SORCS2: variants seen among roughly 807,000 people sequenced by gnomAD.
SORCS2 encodes the protein VPS10 domain-containing receptor SorCS2.
SORCS2 carries 100 observed loss-of-function variants against 141.6 expected under a neutral mutation model. The observed-to-expected ratio is 0.71, with a 90% CI of 0.60 to 0.83. SORCS2 has a LOEUF of 0.83. Ranked by LOEUF, SORCS2 falls within the 40% of genes least tolerant of loss-of-function variation. SORCS2 has a pLI of 0.00. For missense variants in SORCS2, 1,646 were observed against 1,560.2 expected, an observed-to-expected ratio of 1.05 and a Z score of -0.93; for synonymous variants, 789 against 676.9, an observed-to-expected ratio of 1.17 and a Z score of -2.57.
At chr4:7,390,354 G>C (rs537109900) in intron 1 of SORCS2, among the ~76,000 whole-genome samples, 1 of 152,346 alleles carries the variant, frequency 6.6e-6, no homozygotes, top group East Asian at 1.9e-4. Flanking sequence ...CCCACTGGCT[G>C]TGTGGAAGAC....
chr4:7,329,915 C>T (rs1719537304), intron 1 of SORCS2, among the ~76,000 whole-genome samples: 1 of 152,106 alleles, frequency 6.6e-6, no homozygotes, highest in African/African-American at 2.4e-5. Flanking sequence ...GTGGCCCCAT[C>T]TTGGGTCGAG....
chr4:7,621,027 G>A (rs973867421), intron 3 of SORCS2, among the ~76,000 whole-genome samples: 3 of 152,116 alleles, frequency 2.0e-5, no homozygotes, highest in South Asian at 2.1e-4. Context: ...GGGGGTTGCC[G>A]GCCATGAGGT....
chr4:7,701,905 C>G (rs1725112694), intron 12 of SORCS2, among the ~76,000 whole-genome samples: 1 of 152,196 alleles, frequency 6.6e-6, no homozygotes, highest in Non-Finnish European at 1.5e-5. Context: ...CCCAGCCCAG[C>G]CCCCTGGGCA....
At position 7,192,989 on chromosome 4, in the gene SORCS2, C is replaced by T. The variant is rs1417718872; in HGVS notation, c.343C>T (p.Arg115Trp). 11 of 1,427,456 alleles carry T rather than the reference C, an allele frequency of 7.7e-6. No homozygotes were observed. Among genetic ancestry groups the T allele is most frequent in the African/African-American group, 6.0e-5 (4 of 66,806 alleles). 88.4% of individuals were successfully genotyped at this position (1,427,456 alleles called of 1,614,324 possible). A position where few individuals can be genotyped will look rare whatever the true frequency, so the allele number is the denominator to read the frequency against. ...GGACGGCGCCCCCGCCGCGGGCTAC[C>T]GGCGCTGGGAGCGGGCGGCGCCGCT... ...GEDGAPAAGY[R>W]RWERAAPLAG... The change falls in exon 1 of 27, where the codon CGG becomes TGG. Residue 115 changes from arginine (R) to tryptophan (W), a missense_variant. By Grantham distance (101) the Arg-to-Trp change is moderately radical. Transcript: ENST00000507866. This position sits in a 1 kb window ranked among gnomAD's most constrained non-coding sequence, Gnocchi z 4.0.
chr4:7,359,580 C>T (rs1440839807), intron 1 of SORCS2, among the ~76,000 whole-genome samples: 2 of 152,234 alleles, frequency 1.3e-5, no homozygotes, highest in African/African-American at 4.8e-5. Context: ...CATCCAGAGG[C>T]CCCGTGGAGG....
intron 2 of SORCS2, among the ~76,000 whole-genome samples, chr4:7,463,120 A>C (rs554859498): frequency 7.9e-5 from 12 of 152,160 alleles, no homozygotes; most frequent in Admixed American, 1.3e-4. Context: ...CACTGTCTAG[A>C]GCCTAGGGAT....
At chr4:7,706,064 G>GGATGAGGCTGGTCTCTGCCTGGACAGA (rs1725419649) in intron 14 of SORCS2, among the ~76,000 whole-genome samples, 1 of 143,660 alleles carries the variant, frequency 7.0e-6, no homozygotes, top group African/African-American at 2.5e-5. Context: ...GCCTGGGCAG[G>GGATGAGGCTGGTCTCTGCCTGGACAGA]GATGAGGCTG....
intron 4 of SORCS2, among the ~76,000 whole-genome samples, chr4:7,650,971 C>T (rs1327283965): frequency 6.6e-6 from 1 of 152,120 alleles, no homozygotes; most frequent in African/African-American, 2.4e-5. Flanking sequence ...GCAGTGCGGA[C>T]CGTATTGCAC....
intron 3 of SORCS2, among the ~76,000 whole-genome samples, chr4:7,580,554 T>G (rs1351418136): frequency 1.3e-5 from 2 of 152,154 alleles, no homozygotes; most frequent in Non-Finnish European, 2.9e-5. Flanking sequence ...TTATTGGCCT[T>G]TTAAAATTCC....
At chr4:7,467,671 C>T (rs1473051955) in intron 2 of SORCS2, among the ~76,000 whole-genome samples, 2 of 152,188 alleles carry the variant, frequency 1.3e-5, no homozygotes, top group Non-Finnish European at 2.9e-5. Flanking sequence ...CTCCCTCAGC[C>T]CTAGGCTCCA....
intron 2 of SORCS2, among the ~76,000 whole-genome samples, chr4:7,412,209 C>T (rs762138394): frequency 1.3e-5 from 2 of 152,180 alleles, no homozygotes; most frequent in Non-Finnish European, 2.9e-5. Flanking sequence ...GTGTGCCACC[C>T]GCGTGTCACT....
chr4:7,488,047 G>A (rs1731100633), intron 2 of SORCS2, among the ~76,000 whole-genome samples: 2 of 152,196 alleles, frequency 1.3e-5, no homozygotes, highest in African/African-American at 4.8e-5. Flanking sequence ...GTAGGTTTCA[G>A]CATTTAAGGT....
intron 1 of SORCS2, among the ~76,000 whole-genome samples, chr4:7,387,538 C>T (rs1371740202): frequency 1.3e-5 from 2 of 150,224 alleles, no homozygotes; most frequent in South Asian, 4.4e-4. Flanking sequence ...CACACATGCA[C>T]ACACATGCAC....
At chr4:7,726,735 C>T (rs1322839265) in intron 20 of SORCS2, 45 bp from the exon 21 acceptor site, 1 of 1,599,620 alleles carries the variant, frequency 6.3e-7, no homozygotes, top group Non-Finnish European at 8.5e-7. Context: ...CCCACGGCCG[C>T]TGCCTCACTC....
chr4:7,352,446 G>T (rs1298267033), intron 1 of SORCS2, among the ~76,000 whole-genome samples: 1 of 152,210 alleles, frequency 6.6e-6, no homozygotes, highest in Non-Finnish European at 1.5e-5. Context: ...TCTCCTGGAT[G>T]CCATTTTGGA....
intron 1 of SORCS2, among the ~76,000 whole-genome samples, chr4:7,299,112 G>T (rs1338072726): frequency 1.3e-5 from 2 of 152,246 alleles, no homozygotes; most frequent in African/African-American, 2.4e-5. Context: ...GACAGGCTGG[G>T]GGAGGAAAGT....
Position 7,277,270 on chromosome 4 carries a change from G to A in SORCS2, c.480+84144G>A, listed in dbSNP as rs756445553. On this transcript the variant is annotated intron_variant, in intron 1 of 26. Transcript: ENST00000507866. ...GGAAAGAAGGGGGCTCATTTCTTTC[G>A]GAAGGAGCTTTAAGCCAAAGGTTTC... is the stretch of plus-strand genomic sequence containing the variant. 3.3e-5 allele frequency among the ~76,000 whole-genome samples: 5 copies of A among 152,156 alleles called. No homozygotes were observed. The South Asian group carries it at 6.2e-4, about 19-fold the overall frequency.
At chr4:7,460,164 C>G (rs765540298) in intron 2 of SORCS2, 2 of 155,016 alleles carry the variant, frequency 1.3e-5, no homozygotes, top group African/African-American at 2.4e-5. Context: ...GAGAGTACCC[C>G]CGCTCCCCAC....
intron 11 of SORCS2, among the ~76,000 whole-genome samples, chr4:7,696,381 G>A (rs1724709529): frequency 6.6e-6 from 1 of 152,216 alleles, no homozygotes; most frequent in Non-Finnish European, 1.5e-5. Context: ...ATTTCAGGAT[G>A]CTGGTTAGGG....
Sources: gnomAD v4.1 joint callset for allele counts (sites outside exome capture counted in the v4.1 genomes callset) on GRCh38, gnomAD v4.1.1 for gene constraint, Gnocchi (gnomAD v3.1) non-coding constraint, MANE v1.5 for transcripts, NCBI Gene and HGNC (gene_info 2026-07-23, HGNC 2026-07-21) for gene names.